The following OSBPL3 variants were observed in gnomAD, a reference collection of about 807,000 sequenced individuals.
OSBPL3 encodes oxysterol-binding protein-related protein 3.
In OSBPL3, 65 loss-of-function variants were observed where a neutral mutation model predicts 120.1. The ratio of observed to expected loss-of-function variants is 0.54; its 90% CI spans 0.44 to 0.67. OSBPL3 has a LOEUF of 0.67. Ranked by LOEUF, OSBPL3 falls within the 30% of genes least tolerant of loss-of-function variation. The pLI is 0.00. For synonymous variants in OSBPL3, 416 were observed against 402.6 expected (o/e 1.03, Z -0.40); for missense variants, 1,004 against 1,082.1 (o/e 0.93, Z 1.01).
rs1584227576 is a variant in OSBPL3 at position 24,816,591 on chromosome 7, C to T, written c.2027+19G>A. ...CCCTAAATTCCATAAAGCTCCTTAA[C>T]CACAGAAGAAGAACTTACACTGGCA... On this transcript the variant is annotated intron_variant, in intron 18 of 22. Transcript: ENST00000313367. 2 of 1,579,772 alleles carry T rather than the reference C, an allele frequency of 1.3e-6. No homozygotes were observed. The highest frequency in any genetic ancestry group is 1.3e-5 in the African/African-American group (1 of 74,396).
chr7:24,840,954 A>T (rs13243145), intron 13 of OSBPL3, among the ~76,000 whole-genome samples, 171 bp from the exon 14 acceptor site: 1 of 152,158 alleles, frequency 6.6e-6, no homozygotes, highest in Non-Finnish European at 1.5e-5. Context: ...TGTTCACAAC[A>T]AACACCTGTT....
At chr7:24,911,232 C>A (rs1303857558) in intron 1 of OSBPL3, among the ~76,000 whole-genome samples, 2 of 152,260 alleles carry the variant, frequency 1.3e-5, no homozygotes, top group South Asian at 2.1e-4. Flanking sequence ...ATAGCACCAC[C>A]CAAGAACTTA....
chr7:24,896,869 C>CA lies in OSBPL3; in HGVS notation c.-149-4249dup, dbSNP rs1451409981. 2.6e-5 allele frequency among the ~76,000 whole-genome samples: 4 copies of CA among 152,088 alleles called. No individual in the cohort carries two copies. The highest frequency in any genetic ancestry group is 5.9e-5 in the Non-Finnish European group (4 of 68,018). ...ACTGGATTACTTGAGGTCAGGAGTT[C>CA]AAGACCAGCCTGGCCAACATGGTAA... On this transcript the variant is annotated intron_variant, in intron 1 of 22. Coordinates refer to ENST00000313367, the MANE Select transcript of OSBPL3 (RefSeq NM_015550.4). The surrounding 1 kb of genome is among the most constrained non-coding windows in gnomAD (Gnocchi z 4.4).
rs536303613 is a variant in OSBPL3 at position 24,911,348 on chromosome 7, G to C, written c.-149-18727C>G. Reference sequence around the variant, plus strand: ...AGAGTTTTAACAATTGGCAACCACAGGCAGCATTTCATTACTTATCTAAAA... The same window carrying C: ...AGAGTTTTAACAATTGGCAACCACACGCAGCATTTCATTACTTATCTAAAA... On this transcript the variant is annotated intron_variant, in intron 1 of 22. Transcript: ENST00000313367. 2.6e-5 allele frequency among the ~76,000 whole-genome samples: 4 copies of C among 152,232 alleles called. 1 individual carries two copies. The South Asian group carries it at 6.2e-4, about 24-fold the overall frequency.
intron 1 of OSBPL3, among the ~76,000 whole-genome samples, chr7:24,921,339 G>C (rs1448562141): frequency 1.3e-5 from 2 of 152,196 alleles, no homozygotes; most frequent in Non-Finnish European, 2.9e-5. Context: ...TGAAAAGCCT[G>C]AACTGCATTG....
intron 18 of OSBPL3, among the ~76,000 whole-genome samples, chr7:24,816,375 T>C (rs1345198273): frequency 1.3e-5 from 2 of 152,226 alleles, no homozygotes; most frequent in African/African-American, 2.4e-5. Context: ...GAGTTTTTAA[T>C]AAGCATCTAT....
At position 24,913,808 on chromosome 7, in the gene OSBPL3, G is replaced by C. The variant is rs1584603172; in HGVS notation, c.-149-21187C>G. The stretch of plus-strand genomic sequence containing the variant: ...TAAGGTAACAGGGTCAGTCAGTGGG[G>C]ATACAACTAGGACGAGGACAAGGAC... On this transcript the variant is annotated intron_variant, in intron 1 of 22. Transcript: ENST00000313367. This position sits in a 1 kb window ranked among gnomAD's most constrained non-coding sequence, Gnocchi z 5.3. Among the ~76,000 whole-genome samples the C allele has an allele frequency of 6.6e-6, 1 of 152,120 alleles. No homozygotes were observed. The highest frequency in any genetic ancestry group is 2.4e-5 in the African/African-American group (1 of 41,402).
chr7:24,807,498 A>C (rs1181989810), intron 20 of OSBPL3, among the ~76,000 whole-genome samples: 10 of 145,922 alleles, frequency 6.9e-5, no homozygotes, highest in Non-Finnish European at 1.2e-4. Flanking sequence ...CATCTCAAAA[A>C]TAATAATAAT....
In OSBPL3 at chr7:24,815,289, T is replaced by C; in HGVS notation, c.2028-86A>G. On this transcript the variant is annotated intron_variant, in intron 18 of 22. Coordinates refer to ENST00000313367, the MANE Select transcript of OSBPL3 (RefSeq NM_015550.4). The surrounding 1 kb of genome is among the most constrained non-coding windows in gnomAD (Gnocchi z 5.1). Reference sequence around the variant, plus strand: ...AAACTCTGCTCTTTTATAAAATAAGTCATGCAATGCATTATTCATCTCTTT... The same window carrying C: ...AAACTCTGCTCTTTTATAAAATAAGCCATGCAATGCATTATTCATCTCTTT... 9.9e-7 allele frequency: 1 copy of C among 1,009,702 alleles called. No homozygotes were observed. The highest frequency in any genetic ancestry group is 1.5e-6 in the Non-Finnish European group (1 of 656,110). 62.5% of individuals were successfully genotyped at this position (1,009,702 alleles called of 1,614,324 possible).
At chr7:24,875,760 T>C (rs977691277) in intron 2 of OSBPL3, among the ~76,000 whole-genome samples, 1 of 150,322 alleles carries the variant, frequency 6.7e-6, no homozygotes, top group African/African-American at 2.4e-5. Flanking sequence ...ATATACATAA[T>C]ACATATTTAC....
At chr7:24,976,251 A>G (rs996620033) in intron 1 of OSBPL3, among the ~76,000 whole-genome samples, 1 of 152,004 alleles carries the variant, frequency 6.6e-6, no homozygotes, top group Non-Finnish European at 1.5e-5. Flanking sequence ...CCCGGCACAT[A>G]CAAGTTCAGC....
chr7:24,856,821 T>C (rs1455615785), intron 10 of OSBPL3, among the ~76,000 whole-genome samples: 5 of 152,202 alleles, frequency 3.3e-5, no homozygotes, highest in African/African-American at 1.2e-4. Flanking sequence ...ATTCCTAATA[T>C]ATCTGGGACA....
rs1235916468 is a variant in OSBPL3 at position 24,796,594 on chromosome 7, A to G, written c.*3589T>C. Reference sequence around the variant, plus strand: ...ACTAGCTACATGAGGGGGATAAGCAAATTAATAGGAGCTTTTTGGGGAGGC... The same window carrying G: ...ACTAGCTACATGAGGGGGATAAGCAGATTAATAGGAGCTTTTTGGGGAGGC... On this transcript the variant is annotated 3_prime_UTR_variant, in exon 23 of 23. Coordinates refer to ENST00000313367, the MANE Select transcript of OSBPL3 (RefSeq NM_015550.4). The surrounding 1 kb of genome is among the most constrained non-coding windows in gnomAD (Gnocchi z 5.2). 3 of 152,182 alleles carry G rather than the reference A, an allele frequency of 2.0e-5. No individual in the cohort carries two copies. Among genetic ancestry groups the G allele is most frequent in the African/African-American group, 4.8e-5 (2 of 41,436 alleles). 9.4% of individuals were successfully genotyped at this position (152,182 alleles called of 1,614,324 possible). A position where few individuals can be genotyped will look rare whatever the true frequency, so the allele number is the denominator to read the frequency against.
rs143053697 is a variant in OSBPL3, at chr7:24,872,963, T to G, written c.97-894A>C. Among the ~76,000 whole-genome samples, 5 of 152,218 alleles carry G rather than the reference T, an allele frequency of 3.3e-5. No individual in the cohort carries two copies. The highest frequency in any genetic ancestry group is 1.3e-4 in the Admixed American group (2 of 15,284). On this transcript the variant is annotated intron_variant, in intron 2 of 22. Coordinates refer to ENST00000313367, the MANE Select transcript of OSBPL3 (RefSeq NM_015550.4). This position sits in a 1 kb window ranked among gnomAD's most constrained non-coding sequence, Gnocchi z 4.1. ...TTTTATTATTATTTTTACATTTTTA[T>G]TGGGGTACAATATACATGAAATGCA...
intron 1 of OSBPL3, among the ~76,000 whole-genome samples, chr7:24,963,006 T>C (rs540680535): frequency 6.6e-6 from 1 of 152,312 alleles, no homozygotes; most frequent in East Asian, 1.9e-4. Flanking sequence ...TGAAATAAGG[T>C]TGTCCCTTAT....
rs1584235820 is a variant in OSBPL3 at position 24,818,639 on chromosome 7, G to A, written c.1948+1536C>T. Among the ~76,000 whole-genome samples the A allele has an allele frequency of 6.6e-6, 1 of 152,096 alleles. No homozygotes were observed. Among genetic ancestry groups the A allele is most frequent in the South Asian group, 2.1e-4 (1 of 4,824 alleles). ...ATGATAGAAATTATTCAATCCAAAA[G>A]GCAGAGAAAGAGGAAACGGAGAACA... On this transcript the variant is annotated intron_variant, in intron 17 of 22. Coordinates refer to ENST00000313367, the MANE Select transcript of OSBPL3 (RefSeq NM_015550.4). This position sits in a 1 kb window ranked among gnomAD's most constrained non-coding sequence, Gnocchi z 4.0.
At chr7:24,973,622 A>C (rs1216870666) in intron 1 of OSBPL3, among the ~76,000 whole-genome samples, 2 of 152,264 alleles carry the variant, frequency 1.3e-5, no homozygotes, top group Non-Finnish European at 2.9e-5. Context: ...CTAAAGAAGC[A>C]ATTCTTCACA....
At chr7:24,895,944 C>CA (rs1201206941) in intron 1 of OSBPL3, among the ~76,000 whole-genome samples, 2 of 152,110 alleles carry the variant, frequency 1.3e-5, no homozygotes, top group Non-Finnish European at 2.9e-5. Context: ...TCAGCTGGAT[C>CA]AAAAAATAGA....
chr7:24,839,932 A>G (rs1797492637), intron 14 of OSBPL3, among the ~76,000 whole-genome samples: 1 of 138,000 alleles, frequency 7.2e-6, no homozygotes, highest in Non-Finnish European at 1.5e-5. Flanking sequence ...CAGAGGCTGC[A>G]GTGAGCTAAG....
Sources: allele counts gnomAD v4.1 joint callset (sites outside exome capture counted in the v4.1 genomes callset), GRCh38; gene constraint gnomAD v4.1.1; non-coding constraint Gnocchi (gnomAD v3.1); transcripts MANE v1.5; gene names NCBI Gene and HGNC (gene_info 2026-07-23, HGNC 2026-07-21).